RIMS2: variants seen among roughly 807,000 people sequenced by gnomAD.
RIMS2 encodes regulating synaptic membrane exocytosis protein 2.
Under a neutral mutation model 174.4 loss-of-function variants are expected in RIMS2, and 59 were observed. That is an observed-to-expected ratio of 0.34 (90% CI 0.27 to 0.42). The LOEUF is 0.42. Ranked by LOEUF, RIMS2 falls within the 10% of genes least tolerant of loss-of-function variation. The pLI, the probability that RIMS2 is intolerant of heterozygous loss-of-function variation, is 1.00. For missense variants in RIMS2, 1,620 were observed against 1,666.3 expected, an observed-to-expected ratio of 0.97 and a Z score of 0.48; for synonymous variants, 606 against 572.5, an observed-to-expected ratio of 1.06 and a Z score of -0.84.
intron 19 of RIMS2, among the ~76,000 whole-genome samples, chr8:104,039,601 T>G (rs2096574842): frequency 6.6e-6 from 1 of 151,790 alleles, no homozygotes; most frequent in Non-Finnish European, 1.5e-5. Flanking sequence ...AAGCCATTAT[T>G]TCATCCACTT....
At chr8:103,568,337 A>G (rs1446224402) in intron 1 of RIMS2, among the ~76,000 whole-genome samples, 6 of 152,134 alleles carry the variant, frequency 3.9e-5, no homozygotes, top group Non-Finnish European at 8.8e-5. Flanking sequence ...ATAAATTAAA[A>G]TTATGGTTCA....
In RIMS2 at chr8:103,571,417, A is replaced by T. The variant is rs534118456; in HGVS notation, c.176+70355A>T. Among the ~76,000 whole-genome samples the T allele has an allele frequency of 3.3e-5, 5 of 152,322 alleles. No individual in the cohort carries two copies. The South Asian group carries it at 8.3e-4, about 25-fold the overall frequency. ...AAATACTGTAATAGGATGTTAATGGAGATGGAATATTAACTTATCAACTAG... is the reference window on the plus strand; with the variant it reads ...AAATACTGTAATAGGATGTTAATGGTGATGGAATATTAACTTATCAACTAG... On this transcript the variant is annotated intron_variant, in intron 1 of 23. Coordinates refer to ENST00000504942, the Ensembl canonical transcript of RIMS2.
chr8:104,019,207 A>G (rs1181605468), intron 19 of RIMS2, among the ~76,000 whole-genome samples: 1 of 152,194 alleles, frequency 6.6e-6, no homozygotes, highest in Middle Eastern at 3.2e-3. Flanking sequence ...CAAAAAAGTT[A>G]AAACATTATA....
intron 19 of RIMS2, among the ~76,000 whole-genome samples, chr8:104,155,538 C>T (rs977593650): frequency 1.3e-5 from 2 of 150,746 alleles, no homozygotes; most frequent in African/African-American, 2.4e-5. Flanking sequence ...CTCAGCCTCC[C>T]GAGTAGCTGG....
chr8:103,864,002 G>A (rs2099072959), intron 3 of RIMS2, among the ~76,000 whole-genome samples: 1 of 151,278 alleles, frequency 6.6e-6, no homozygotes, highest in African/African-American at 2.4e-5. Flanking sequence ...TCCGCCTCCT[G>A]GGTTCAGGCC....
At chr8:103,924,311 G>A (rs1226429325) in intron 10 of RIMS2, among the ~76,000 whole-genome samples, 1 of 151,568 alleles carries the variant, frequency 6.6e-6, no homozygotes, top group Non-Finnish European at 1.5e-5. Context: ...GCTAGTCACT[G>A]CAAATACAAG....
chr8:103,951,236 A>T (rs573050273), intron 14 of RIMS2, among the ~76,000 whole-genome samples: 1 of 152,228 alleles, frequency 6.6e-6, no homozygotes, highest in Non-Finnish European at 1.5e-5. Flanking sequence ...AATGAGAGCC[A>T]CCTATGACAA....
At chr8:103,806,912 G>A (rs191883999) in intron 3 of RIMS2, among the ~76,000 whole-genome samples, 11 of 152,146 alleles carry the variant, frequency 7.2e-5, no homozygotes, top group African/African-American at 2.4e-4. Context: ...AAAAAAAATG[G>A]GAGGAACAGG....
At chr8:103,626,943 C>G (rs895547646) in intron 1 of RIMS2, among the ~76,000 whole-genome samples, 19 of 152,166 alleles carry the variant, frequency 1.2e-4, no homozygotes, top group African/African-American at 4.6e-4. Flanking sequence ...TCCCGCTGTG[C>G]ATGCATTGTC....
chr8:104,241,254 G>C (rs531589064), intron 19 of RIMS2, among the ~76,000 whole-genome samples: 12 of 152,292 alleles, frequency 7.9e-5, no homozygotes, highest in Admixed American at 7.2e-4. Context: ...TCTGGGAACT[G>C]TCTACAAATG....
chr8:103,895,049 T>A (rs2099269548), intron 4 of RIMS2, among the ~76,000 whole-genome samples: 1 of 151,624 alleles, frequency 6.6e-6, no homozygotes, highest in Non-Finnish European at 1.5e-5. Flanking sequence ...ATTTTTCTGC[T>A]GGACATTTAT....
chr8:104,103,901 C>G (rs1452072038), intron 19 of RIMS2, among the ~76,000 whole-genome samples: 1 of 152,042 alleles, frequency 6.6e-6, no homozygotes, highest in Non-Finnish European at 1.5e-5. Flanking sequence ...TTCACAGTCA[C>G]TATATGGGAC....
chr8:103,579,963 C>T (rs1269138321), intron 1 of RIMS2, among the ~76,000 whole-genome samples: 1 of 152,122 alleles, frequency 6.6e-6, no homozygotes, highest in Non-Finnish European at 1.5e-5. Context: ...GGTGAGAACT[C>T]ACTCACTATC....
chr8:103,834,724 CTTTCTTTCTTTCTTTCTT>C (rs1564830073), intron 3 of RIMS2, among the ~76,000 whole-genome samples: 3 of 112,082 alleles, frequency 2.7e-5, no homozygotes, highest in Non-Finnish European at 5.3e-5. Flanking sequence ...TTCTTTCTTT[CTTTCTTTCTTTCTTTCTT>C]TCTCTCTCTT....
At chr8:103,748,755 A>G (rs1215974808) in intron 2 of RIMS2, among the ~76,000 whole-genome samples, 1 of 151,456 alleles carries the variant, frequency 6.6e-6, no homozygotes, top group Non-Finnish European at 1.5e-5. Flanking sequence ...AGAAATTTTC[A>G]TGTTCCAATC....
chr8:103,733,512 C>T (rs141844441), intron 2 of RIMS2, among the ~76,000 whole-genome samples: 1 of 152,250 alleles, frequency 6.6e-6, no homozygotes. Context: ...GTCTGGTGGC[C>T]TAGAATGGCT....
intron 12 of RIMS2, 77 bp from the exon 15 acceptor site, chr8:103,936,474 G>T (rs533927379): frequency 2.2e-6 from 2 of 910,576 alleles, no homozygotes; most frequent in African/African-American, 1.7e-5. Context: ...TGTCTCCTGA[G>T]AAATTTTAAA....
At position 103,664,865 on chromosome 8, in the gene RIMS2, T is replaced by A. The variant is rs539375547; in HGVS notation, c.177-32221T>A. 1.2e-4 allele frequency among the ~76,000 whole-genome samples: 18 copies of A among 152,294 alleles called. No homozygotes were observed. In the East Asian group the frequency reaches 3.5e-3, roughly 29 times the overall value. On this transcript the variant is annotated intron_variant, in intron 1 of 23. Coordinates refer to ENST00000504942, the Ensembl canonical transcript of RIMS2. ...GGCACTATTCACAATAGCAAAGACT[T>A]GGAACCAACCCAAATGTCCATCACT...
chr8:103,663,061 CAG>C (rs1410974830), intron 1 of RIMS2, among the ~76,000 whole-genome samples: 4 of 151,852 alleles, frequency 2.6e-5, no homozygotes, highest in African/African-American at 7.3e-5. Context: ...TCCAGCTACT[CAG>C]GGGGCTGAGG....
Sources: allele counts gnomAD v4.1 joint callset (sites outside exome capture counted in the v4.1 genomes callset), GRCh38; gene constraint gnomAD v4.1.1; transcripts MANE v1.5; gene names NCBI Gene and HGNC (gene_info 2026-07-23, HGNC 2026-07-21).